GDAP1: variants seen among roughly 807,000 people sequenced by gnomAD.
GDAP1 encodes ganglioside-induced differentiation-associated protein 1.
GDAP1 carries 34 observed loss-of-function variants against 40.1 expected under a neutral mutation model. The observed-to-expected ratio is 0.85, with a 90% CI of 0.64 to 1.13. GDAP1 has a LOEUF of 1.13. Ranked by LOEUF, GDAP1 falls within the 50% of genes most tolerant of loss-of-function variation. GDAP1 has a pLI of 0.00. For synonymous variants in GDAP1, 170 were observed against 157.4 expected, an observed-to-expected ratio of 1.08 and a Z score of -0.60; for missense variants, 374 against 433.7, an observed-to-expected ratio of 0.86 and a Z score of 1.22.
rs3832592 is a variant in GDAP1, at chr8:74,362,096, CAT to C, written c.579+119_579+120del. ...TTAAATATTGCAGTTCACCAGTACA[CAT>C]GTTACCTTTGGCTTATGTTCTCCTT... On this transcript the variant is annotated intron_variant, in intron 4 of 5. Coordinates refer to ENST00000220822, the MANE Select transcript of GDAP1 (RefSeq NM_018972.4). 0.22 allele frequency: 153,483 copies of C among 706,638 alleles called. 18,226 individuals are homozygous for C. Among genetic ancestry groups the C allele is most frequent in the Admixed American group, 0.38 (18,885 of 49,726 alleles). The allele number at this position is 706,638 out of a possible 1,614,324, so 43.8% of individuals were successfully genotyped here. A position where few individuals can be genotyped will look rare whatever the true frequency, so the allele number is the denominator to read the frequency against.
At position 74,350,573 on chromosome 8, in the gene GDAP1, C is replaced by CA; in HGVS notation, c.116dup (p.Val40GlyfsTer7). On this transcript the variant is annotated frameshift_variant, in exon 1 of 6. Coordinates refer to ENST00000220822, the MANE Select transcript of GDAP1 (RefSeq NM_018972.4). LOFTEE classifies it high-confidence loss of function. ...CCATTGGACGCATTCCTTCAGCTCT[C>CA]AAAAGGTACAACAGGCCTTGGCGGC... 1 of 1,578,976 alleles carries CA rather than the reference C, an allele frequency of 6.3e-7. No individual in the cohort carries two copies. Among genetic ancestry groups the CA allele is most frequent in the Non-Finnish European group, 8.7e-7 (1 of 1,147,930 alleles).
At chr8:74,383,561 T>C (rs1809985344) in intron 2 of GDAP1, among the ~76,000 whole-genome samples, 1 of 152,194 alleles carries the variant, frequency 6.6e-6, no homozygotes, top group African/African-American at 2.4e-5. Context: ...AAAATGTGTT[T>C]CTCTAGCAAA....
chr8:74,353,004 C>G (rs908102862), intron 2 of GDAP1, among the ~76,000 whole-genome samples: 3 of 152,144 alleles, frequency 2.0e-5, no homozygotes, highest in African/African-American at 4.8e-5. Context: ...TGTTTTTCCT[C>G]TAAGAAATTC....
chr8:74,474,437 T>C (rs966582100), intron 2 of GDAP1, among the ~76,000 whole-genome samples: 6 of 152,088 alleles, frequency 3.9e-5, no homozygotes, highest in African/African-American at 1.4e-4. Context: ...GTTTGTCATA[T>C]ATGGTTCTTA....
intron 2 of GDAP1, among the ~76,000 whole-genome samples, chr8:74,428,771 C>G (rs914951655): frequency 6.7e-6 from 1 of 150,116 alleles, no homozygotes; most frequent in African/African-American, 2.5e-5. Flanking sequence ...CATGAGCCAC[C>G]CATGCCTGGC....
chr8:74,351,542 T>A, intron 2 of GDAP1, 76 bp downstream of exon 2: 5 of 1,038,370 alleles, frequency 4.8e-6, no homozygotes, highest in Non-Finnish European at 7.6e-6. Flanking sequence ...TTTTTCTCTC[T>A]CTCCTCTCTC....
At chr8:74,445,577 C>G (rs980082968) in intron 2 of GDAP1, among the ~76,000 whole-genome samples, 5 of 152,146 alleles carry the variant, frequency 3.3e-5, no homozygotes, top group African/African-American at 1.2e-4. Context: ...GAATAGTACA[C>G]ATCTTTATGT....
chr8:74,428,474 T>G (rs1010552025), intron 2 of GDAP1, among the ~76,000 whole-genome samples: 21 of 150,892 alleles, frequency 1.4e-4, no homozygotes, highest in Admixed American at 1.4e-3. Flanking sequence ...GTTTTGTTTT[T>G]TTTTTTTTCT....
chr8:74,360,298 A>G lies in GDAP1; in HGVS notation c.472A>G (p.Thr158Ala). The change falls in exon 3 of 6, where the codon ACA (threonine) becomes GCA (alanine). Residue 158 changes from threonine (T) to alanine (A), a missense_variant. By Grantham distance (58) the Thr-to-Ala change is moderately conservative. Transcript: ENST00000220822. The part of the protein sequence containing the change: ...VDSMIPAYAT[T>A]RIRSQIGNTE... ...CTCCATGATCCCGGCTTATGCAACT[A>G]CAAGGATTCGTAGTATGTAAACATT... 2 of 1,613,712 alleles carry G rather than the reference A, an allele frequency of 1.2e-6. No homozygotes were observed. The highest frequency in any genetic ancestry group is 1.1e-5 in the South Asian group (1 of 91,072).
chr8:74,380,163 A>G (rs1300343726), intron 2 of GDAP1, among the ~76,000 whole-genome samples: 1 of 149,246 alleles, frequency 6.7e-6, no homozygotes, highest in Non-Finnish European at 1.5e-5. Flanking sequence ...TGTGAGGTGA[A>G]AATATTTTTC....
chr8:74,357,603 A>G (rs1030721211), intron 2 of GDAP1, among the ~76,000 whole-genome samples: 3 of 152,132 alleles, frequency 2.0e-5, no homozygotes, highest in African/African-American at 4.8e-5. Context: ...TTTATGTGTA[A>G]TATAAAACTT....
In GDAP1 at chr8:74,453,940, AACACACACACACAC is replaced by A. The variant is rs59331820; in HGVS notation, c.166-34715_166-34702del. Among the ~76,000 whole-genome samples the A allele has an allele frequency of 5.1e-5, 3 of 59,072 alleles. 1 individual carries two copies. Among genetic ancestry groups the A allele is most frequent in the East Asian group, 4.8e-4 (1 of 2,062 alleles). 38.8% of individuals were successfully genotyped at this position (59,072 alleles called of 152,430 possible). On this transcript the variant is annotated intron_variant, in intron 2 of 2. Coordinates refer to the GDAP1 transcript ENST00000523640. ...CTTTATTATCTACTATTCTGAAGAA[AACACACACACACAC>A]ACACACACACACACACACACACGTA... is the stretch of plus-strand genomic sequence containing the variant.
chr8:74,392,746 G>C (rs932455035), intron 2 of GDAP1, among the ~76,000 whole-genome samples: 1 of 152,184 alleles, frequency 6.6e-6, no homozygotes, highest in African/African-American at 2.4e-5. Flanking sequence ...ATGCCATAGA[G>C]AGGGCAACAC....
chr8:74,467,658 G>T (rs1806487870), intron 2 of GDAP1, among the ~76,000 whole-genome samples: 1 of 152,134 alleles, frequency 6.6e-6, no homozygotes, highest in Non-Finnish European at 1.5e-5. Context: ...TACAGAGGTT[G>T]TAATTATTGG....
intron 2 of GDAP1, among the ~76,000 whole-genome samples, chr8:74,487,470 T>G (rs1806790523): frequency 6.6e-6 from 1 of 152,172 alleles, no homozygotes; most frequent in African/African-American, 2.4e-5. Flanking sequence ...GCAAATCCTC[T>G]TGTATCTGAT....
intron 2 of GDAP1, among the ~76,000 whole-genome samples, chr8:74,420,942 T>G (rs1033535913): frequency 6.6e-6 from 1 of 152,100 alleles, no homozygotes; most frequent in Non-Finnish European, 1.5e-5. Context: ...TTATAAGTAT[T>G]TTTCTTTTCC....
rs776973989 is a variant in GDAP1 at position 74,362,999 on chromosome 8, A to G, written c.640A>G (p.Lys214Glu). Residue 214 changes from lysine (K) to glutamate (E), a missense_variant, in exon 5 of 6, where the codon AAA becomes GAA. Transcript: ENST00000220822. ...YLKKILDELE[K>E]VLDQVETELQ... is the part of the protein sequence containing the mutation. ...GAAGAAAATTCTTGATGAGTTGGAG[A>G]AAGTCTTGGATCAGGTTGAAACTGA... is the stretch of plus-strand genomic sequence containing the variant. 1 of 1,596,400 alleles carries G rather than the reference A, an allele frequency of 6.3e-7. No individual in the cohort carries two copies. The highest frequency in any genetic ancestry group is 1.1e-5 in the South Asian group (1 of 90,726).
At chr8:74,469,766 G>A (rs1434816336) in intron 2 of GDAP1, among the ~76,000 whole-genome samples, 1 of 150,926 alleles carries the variant, frequency 6.6e-6, no homozygotes, top group Non-Finnish European at 1.5e-5. Context: ...ACCTGAGGTC[G>A]GGAGTTTGAG....
intron 2 of GDAP1, among the ~76,000 whole-genome samples, chr8:74,465,860 G>A (rs1806463210): frequency 6.6e-6 from 1 of 151,832 alleles, no homozygotes; most frequent in Admixed American, 6.6e-5. Flanking sequence ...AGACCTAGCA[G>A]TGTTATTTAT....
Sources: allele counts gnomAD v4.1 joint callset (sites outside exome capture counted in the v4.1 genomes callset), GRCh38; gene constraint gnomAD v4.1.1; transcripts MANE v1.5; gene names NCBI Gene and HGNC (gene_info 2026-07-23, HGNC 2026-07-21).